The following POMGNT2 variants were observed in gnomAD, a reference collection of about 807,000 sequenced individuals.
POMGNT2 encodes the protein protein O-linked-mannose beta-1,4-N-acetylglucosaminyltransferase 2.
In POMGNT2, 32 loss-of-function variants were observed where a neutral mutation model predicts 37.8. The observed-to-expected ratio is 0.85, with a 90% CI of 0.64 to 1.14. The LOEUF is 1.14. POMGNT2 is among the 50% of genes most tolerant of loss of function. The probability of loss-of-function intolerance (pLI) is 0.00; values close to 1 mark genes in which losing one functional copy is unlikely to be tolerated. For missense variants in POMGNT2, 705 were observed against 780.6 expected (o/e 0.90, Z 1.15); for synonymous variants, 340 against 336.8 (o/e 1.01, Z -0.10).
chr3:43,105,134 C>T (rs1015624043), intron 1 of POMGNT2, among the ~76,000 whole-genome samples: 1 of 152,218 alleles, frequency 6.6e-6, no homozygotes, highest in Non-Finnish European at 1.5e-5. Context: ...ACACTGGTCG[C>T]CCTGCACCTG....
chr3:43,091,521 A>G (rs1355465255), intron 1 of POMGNT2, among the ~76,000 whole-genome samples: 1 of 152,254 alleles, frequency 6.6e-6, no homozygotes, highest in Non-Finnish European at 1.5e-5. Flanking sequence ...CATTTGGCAA[A>G]CATCACAGTA....
At position 43,079,776 on chromosome 3, in the gene POMGNT2, G is replaced by A; in HGVS notation, c.1656C>T (p.Pro552=). 1 of 1,614,224 alleles carries A rather than the reference G, an allele frequency of 6.2e-7. No individual in the cohort carries two copies. The highest frequency in any genetic ancestry group is 1.1e-5 in the South Asian group (1 of 91,090). Residue 552 remains proline (P), a synonymous_variant, in exon 2 of 2, where the codon CCC becomes CCT. Coordinates refer to ENST00000344697, the MANE Select transcript of POMGNT2 (RefSeq NM_032806.6). ...QNHTFTENIK[P]FTTYLVWVRC... ...GGACCCACACCAGGTAGGTGGTGAAGGGCTTGATGTTCTCAGTGAAGGTGT... is the reference window on the plus strand; with the variant it reads ...GGACCCACACCAGGTAGGTGGTGAAAGGCTTGATGTTCTCAGTGAAGGTGT...
chr3:43,084,139 T>G (rs1360604056), intron 1 of POMGNT2, among the ~76,000 whole-genome samples: 6 of 152,154 alleles, frequency 3.9e-5, no homozygotes, highest in Non-Finnish European at 8.8e-5. Flanking sequence ...CTGCTGCTCT[T>G]AAGATTTTGT....
In POMGNT2 at chr3:43,081,386, C is replaced by T; in HGVS notation, c.46G>A (p.Ala16Thr). 1 of 1,602,246 alleles carries T rather than the reference C, an allele frequency of 6.2e-7. No homozygotes were observed. Among genetic ancestry groups the T allele is most frequent in the Non-Finnish European group, 8.5e-7 (1 of 1,175,802 alleles). Residue 16 changes from alanine to threonine, a missense_variant, in exon 2 of 2, where the codon GCA (alanine) becomes ACA (threonine). Ala to Thr is a moderately conservative substitution (Grantham distance 58, BLOSUM62 0). Coordinates refer to ENST00000344697, the MANE Select transcript of POMGNT2 (RefSeq NM_032806.6). ...VFNALLVSVL[A>T]AVLWKHVRLR... The stretch of plus-strand genomic sequence containing the variant: ...CGCACATGCTTCCACAGGACCGCTG[C>T]CAGCACCGACACCAGGAGGGCGTTG...
chr3:43,091,894 G>C (rs1212616722), intron 1 of POMGNT2, among the ~76,000 whole-genome samples: 1 of 152,336 alleles, frequency 6.6e-6, no homozygotes, highest in East Asian at 1.9e-4. Context: ...TTAGCTAATA[G>C]AGAAAATCTT....
intron 1 of POMGNT2, among the ~76,000 whole-genome samples, chr3:43,084,122 T>C (rs954897313): frequency 1.3e-5 from 2 of 152,168 alleles, no homozygotes; most frequent in African/African-American, 4.8e-5. Flanking sequence ...AGGGAATGCA[T>C]TGTCTCCTGC....
intron 1 of POMGNT2, among the ~76,000 whole-genome samples, chr3:43,097,986 G>A (rs1027296790): frequency 8.5e-5 from 13 of 152,136 alleles, no homozygotes; most frequent in African/African-American, 2.4e-4. Flanking sequence ...GCAGCTCACC[G>A]GTCACTCCTC....
chr3:43,096,250 C>T (rs1247849533), intron 1 of POMGNT2, among the ~76,000 whole-genome samples: 2 of 152,120 alleles, frequency 1.3e-5, no homozygotes, highest in Admixed American at 1.3e-4. Context: ...ATCCTGCTAC[C>T]AAGGATCCAA....
At chr3:43,095,436 A>T (rs2089972885) in intron 1 of POMGNT2, among the ~76,000 whole-genome samples, 1 of 152,180 alleles carries the variant, frequency 6.6e-6, no homozygotes, top group Non-Finnish European at 1.5e-5. Context: ...GACATGAGCC[A>T]TTCCACACAG....
At chr3:43,089,261 G>A (rs2089923548) in intron 1 of POMGNT2, among the ~76,000 whole-genome samples, 1 of 152,212 alleles carries the variant, frequency 6.6e-6, no homozygotes, top group African/African-American at 2.4e-5. Flanking sequence ...CTCCTGAGGA[G>A]CAAACAAGTC....
At chr3:43,090,330 T>C (rs908359160) in intron 1 of POMGNT2, among the ~76,000 whole-genome samples, 2 of 10,188 alleles carry the variant, frequency 2.0e-4, no homozygotes, top group Non-Finnish European at 1.5e-3. Context: ...CAATGTAAAA[T>C]TATATCACTG....
Position 43,080,088 on chromosome 3 carries a change from C to T in POMGNT2, c.1344G>A (p.Gln448=), listed in dbSNP as rs767879383. 5.6e-6 allele frequency: 9 copies of T among 1,613,848 alleles called. No individual in the cohort carries two copies. The highest frequency in any genetic ancestry group is 6.8e-6 in the Non-Finnish European group (8 of 1,179,984). ...RNPEWLFRIY[Q]DTKVDIPSLI... ...GGGACGGGATGTCCACCTTGGTGTC[C>T]TGGTAGATTCGGAAGAGCCACTCGG... Residue 448 remains glutamine, a synonymous_variant, in exon 2 of 2, where the codon CAG becomes CAA. Coordinates refer to ENST00000344697, the MANE Select transcript of POMGNT2 (RefSeq NM_032806.6).
At chr3:43,088,333 C>G (rs1434087327) in intron 1 of POMGNT2, among the ~76,000 whole-genome samples, 1 of 152,224 alleles carries the variant, frequency 6.6e-6, no homozygotes, top group Non-Finnish European at 1.5e-5. Flanking sequence ...ACAGACCAGA[C>G]AGTGAACGCT....
At chr3:43,087,869 A>C (rs1038381799) in intron 1 of POMGNT2, 6 of 152,154 alleles carry the variant, frequency 3.9e-5, no homozygotes, top group African/African-American at 1.4e-4. Context: ...AAAAGACAGA[A>C]AGACTTGGGT....
At position 43,079,770 on chromosome 3, in the gene POMGNT2, G is replaced by A. The variant is rs1559413532; in HGVS notation, c.1662C>T (p.Thr554=). 1.2e-6 allele frequency: 2 copies of A among 1,614,204 alleles called. No individual in the cohort carries two copies. Among genetic ancestry groups the A allele is most frequent in the Non-Finnish European group, 1.7e-6 (2 of 1,180,040 alleles). The change falls in exon 2 of 2, where the codon ACC becomes ACT. Residue 554 remains threonine (T), a synonymous_variant. Coordinates refer to ENST00000344697, the MANE Select transcript of POMGNT2 (RefSeq NM_032806.6). ...HTFTENIKPF[T]TYLVWVRCIF... ...TGCAGCGGACCCACACCAGGTAGGT[G>A]GTGAAGGGCTTGATGTTCTCAGTGA...
chr3:43,091,954 G>C (rs2089946828), intron 1 of POMGNT2, among the ~76,000 whole-genome samples: 1 of 152,198 alleles, frequency 6.6e-6, no homozygotes, highest in Non-Finnish European at 1.5e-5. Context: ...GTACTTGACA[G>C]GGCTAAGGTC....
At chr3:43,096,560 T>C (rs2089981223) in intron 1 of POMGNT2, among the ~76,000 whole-genome samples, 2 of 152,180 alleles carry the variant, frequency 1.3e-5, no homozygotes, top group African/African-American at 4.8e-5. Context: ...CTAAGCACTG[T>C]CTTATGTTAA....
At chr3:43,105,462 C>T (rs1304679089) in intron 1 of POMGNT2, among the ~76,000 whole-genome samples, 1 of 152,062 alleles carries the variant, frequency 6.6e-6, no homozygotes, top group African/African-American at 2.4e-5. Context: ...TGTGCACCAC[C>T]CATCACCTCC....
chr3:43,094,605 C>G (rs1456819765), intron 1 of POMGNT2, among the ~76,000 whole-genome samples: 1 of 152,222 alleles, frequency 6.6e-6, no homozygotes, highest in Non-Finnish European at 1.5e-5. Flanking sequence ...CTGACACTGT[C>G]TGCTTGGTCC....
Sources: allele counts gnomAD v4.1 joint callset (sites outside exome capture counted in the v4.1 genomes callset), GRCh38; gene constraint gnomAD v4.1.1; transcripts MANE v1.5; gene names NCBI Gene and HGNC (gene_info 2026-07-23, HGNC 2026-07-21).